Variants in REL observed in about 807,000 individuals in gnomAD.
REL encodes the protein proto-oncogene c-Rel.
Under a neutral mutation model 45.9 loss-of-function variants are expected in REL, and 15 were observed. The observed-to-expected ratio is 0.33, with a 90% confidence interval of 0.22 to 0.50. REL has a LOEUF of 0.50. Ranked by LOEUF, REL falls within the 20% of genes least tolerant of loss-of-function variation. The pLI is 0.98. For synonymous variants in REL, 239 were observed against 242.1 expected, an observed-to-expected ratio of 0.99 and a Z score of 0.12; for missense variants, 601 against 715.2, an observed-to-expected ratio of 0.84 and a Z score of 1.82.
intron 2 of REL, among the ~76,000 whole-genome samples, chr2:60,892,489 C>T (rs533232388): frequency 1.3e-5 from 2 of 152,190 alleles, no homozygotes; most frequent in South Asian, 2.1e-4. Context: ...AGTGCAATGT[C>T]GTGATCTCAG....
intron 1 of REL, among the ~76,000 whole-genome samples, chr2:60,886,430 G>A (rs1397602111): frequency 6.6e-6 from 1 of 151,984 alleles, no homozygotes; most frequent in Non-Finnish European, 1.5e-5. Flanking sequence ...TTGCTTTTAT[G>A]CTTGTTTTTT....
At chr2:60,893,503 CTCTATT>C (rs1466302705) in intron 2 of REL, among the ~76,000 whole-genome samples, 6 of 152,126 alleles carry the variant, frequency 3.9e-5, no homozygotes, top group Non-Finnish European at 8.8e-5. Flanking sequence ...TCCTATGCAT[CTCTATT>C]TCTAAGATAT....
chr2:60,919,330 G>A (rs1287766494), intron 7 of REL, among the ~76,000 whole-genome samples: 5 of 152,080 alleles, frequency 3.3e-5, no homozygotes, highest in African/African-American at 1.2e-4. Flanking sequence ...AGCCTCCTGG[G>A]CTCAGGTGAT....
intron 4 of REL, among the ~76,000 whole-genome samples, chr2:60,901,308 C>T (rs1673492529): frequency 6.6e-6 from 1 of 151,512 alleles, no homozygotes; most frequent in African/African-American, 2.4e-5. Flanking sequence ...ATTATAGGCG[C>T]CCACCATCAC....
intron 1 of REL, among the ~76,000 whole-genome samples, chr2:60,883,110 A>G (rs1190216231): frequency 1.2e-4 from 19 of 152,132 alleles, no homozygotes; most frequent in Admixed American, 1.2e-3. Context: ...GCGTGAGCAA[A>G]GGCAGGGAGG....
chr2:60,918,189 A>T lies in REL; in HGVS notation c.536-2A>T. 1 of 1,556,256 alleles carries T rather than the reference A, an allele frequency of 6.4e-7. No individual in the cohort carries two copies. The highest frequency in any genetic ancestry group is 8.8e-7 in the Non-Finnish European group (1 of 1,141,738). On this transcript the variant is annotated splice_acceptor_variant, in intron 5 of 9. Transcript: ENST00000394479. LOFTEE classifies it high-confidence loss of function. ...ATTTTTTTGAAAATCCTTTATATTTAGGTGCTCCAAATACTGCAGAATTAA... is the reference window on the plus strand; with the variant it reads ...ATTTTTTTGAAAATCCTTTATATTTTGGTGCTCCAAATACTGCAGAATTAA...
In REL at chr2:60,923,603, T is replaced by C; in HGVS notation, c.*1068T>C. The C allele has an allele frequency of 8.6e-6, 2 of 232,826 alleles. No individual in the cohort carries two copies. The highest frequency in any genetic ancestry group is 1.7e-5 in the Non-Finnish European group (2 of 117,772). The allele number at this position is 232,826 out of a possible 1,614,324, so 14.4% of individuals were successfully genotyped here. Reference sequence around the variant, plus strand: ...ATGGCAATGCCATACTTCTGGTTGCTCAGGCCAAAAACCCTGAAGTCATCC... The same window carrying C: ...ATGGCAATGCCATACTTCTGGTTGCCCAGGCCAAAAACCCTGAAGTCATCC... On this transcript the variant is annotated 3_prime_UTR_variant, in exon 10 of 10. Transcript: ENST00000394479.
chr2:60,919,081 A>G (rs932319117), intron 7 of REL, among the ~76,000 whole-genome samples: 1 of 152,236 alleles, frequency 6.6e-6, no homozygotes, highest in Non-Finnish European at 1.5e-5. Context: ...ACTGCTTACT[A>G]AAATTTCTAT....
At position 60,928,313 on chromosome 2, in the gene REL, G is replaced by A. The variant is rs1558830855; in HGVS notation, c.*5778G>A. The A allele has an allele frequency of 6.6e-6, 1 of 152,400 alleles. No homozygotes were observed. The highest frequency in any genetic ancestry group is 1.5e-5 in the Non-Finnish European group (1 of 68,284). The allele number at this position is 152,400 out of a possible 1,614,324, so 9.4% of individuals were successfully genotyped here. Reference sequence around the variant, plus strand: ...ACCAATGCCTTTCTTCACAGAATTGGAAAAAACTACTTTAAAGTTCATATG... The same window carrying A: ...ACCAATGCCTTTCTTCACAGAATTGAAAAAAACTACTTTAAAGTTCATATG... On this transcript the variant is annotated 3_prime_UTR_variant, in exon 10 of 10. Coordinates refer to ENST00000394479, the MANE Select transcript of REL (RefSeq NM_001291746.2).
chr2:60,905,861 T>C (rs1314606979), intron 4 of REL, among the ~76,000 whole-genome samples: 1 of 152,144 alleles, frequency 6.6e-6, no homozygotes, highest in East Asian at 1.9e-4. Context: ...CAGTAAGAAA[T>C]AGATTTTGTT....
chr2:60,904,502 C>T (rs999238418), intron 4 of REL, among the ~76,000 whole-genome samples: 3 of 150,586 alleles, frequency 2.0e-5, no homozygotes, highest in Non-Finnish European at 3.0e-5. Flanking sequence ...ACCCAGGAGG[C>T]GGAGGTTGTG....
Position 60,917,714 on chromosome 2 carries a change from G to A in REL, c.536-477G>A, listed in dbSNP as rs906433304. ...TGTGTGTGTGTGTGTGTGTGTGTGT[G>A]TACGTGTGTGTGTGTGTACATAGAC... On this transcript the variant is annotated intron_variant, in intron 5 of 9. Coordinates refer to ENST00000394479, the MANE Select transcript of REL (RefSeq NM_001291746.2). 2.9e-5 allele frequency among the ~76,000 whole-genome samples: 4 copies of A among 136,176 alleles called. No individual in the cohort carries two copies. In the South Asian group the frequency reaches 8.9e-4, roughly 30 times the overall value. 89.3% of individuals were successfully genotyped at this position (136,176 alleles called of 152,430 possible).
At chr2:60,881,881 G>T in intron 1 of REL, 31 bp downstream of exon 1, 2 of 1,432,526 alleles carry the variant, frequency 1.4e-6, no homozygotes, top group Non-Finnish European at 9.2e-7. Context: ...GGCCTGGGCC[G>T]GGGGAAAGGA....
chr2:60,918,096 T>G, intron 5 of REL, 95 bp from the exon 6 acceptor site: 1 of 710,462 alleles, frequency 1.4e-6, no homozygotes, highest in Non-Finnish European at 2.4e-6. Context: ...AAAACTTTTA[T>G]TCTGTGAATG....
chr2:60,896,706 C>A (rs1370292307), intron 3 of REL, among the ~76,000 whole-genome samples: 1 of 152,120 alleles, frequency 6.6e-6, no homozygotes, highest in Non-Finnish European at 1.5e-5. Context: ...TGTGATCACT[C>A]CTTACTTGAA....
intron 5 of REL, among the ~76,000 whole-genome samples, 163 bp from the exon 6 acceptor site, chr2:60,918,024 TAGAA>T (rs1350958621): frequency 2.6e-5 from 4 of 152,306 alleles, no homozygotes; most frequent in South Asian, 4.1e-4. Context: ...GTAAAGCAGT[TAGAA>T]AGGAAGTGGA....
Position 60,925,579 on chromosome 2 carries a change from A to G in REL, c.*3044A>G, listed in dbSNP as rs973208489. On this transcript the variant is annotated 3_prime_UTR_variant, in exon 10 of 10. Transcript: ENST00000394479. ...TAAATTAAAATAAATTTTTAAAATC[A>G]TAAGCACATAAATAGAACTTACCAG... is the stretch of plus-strand genomic sequence containing the variant. 14 of 182,570 alleles carry G rather than the reference A, an allele frequency of 7.7e-5. No individual in the cohort carries two copies. Among genetic ancestry groups the G allele is most frequent in the South Asian group, 2.0e-4 (1 of 5,094 alleles). The allele number at this position is 182,570 out of a possible 1,614,324, so 11.3% of individuals were successfully genotyped here.
intron 4 of REL, among the ~76,000 whole-genome samples, chr2:60,907,716 A>C (rs1308824972): frequency 6.7e-6 from 1 of 149,560 alleles, no homozygotes; most frequent in Non-Finnish European, 1.5e-5. Context: ...TTTTTTACGG[A>C]GTCTCGCTCT....
chr2:60,920,150 G>A (rs1558820112), intron 8 of REL, 41 bp downstream of exon 8: 1 of 1,373,858 alleles, frequency 7.3e-7, no homozygotes, highest in Non-Finnish European at 1.0e-6. Context: ...AATAGGTTTT[G>A]TTTTATTTAC....
Sources: allele counts gnomAD v4.1 joint callset (sites outside exome capture counted in the v4.1 genomes callset), GRCh38; gene constraint gnomAD v4.1.1; transcripts MANE v1.5; gene names NCBI Gene and HGNC (gene_info 2026-07-23, HGNC 2026-07-21).